HMCN1: variants seen among roughly 807,000 people sequenced by gnomAD.
HMCN1 encodes hemicentin 1.
In HMCN1, 321 loss-of-function variants were observed where a neutral mutation model predicts 625.9. The ratio of observed to expected loss-of-function variants is 0.51; its 90% confidence interval spans 0.47 to 0.56. HMCN1 has a LOEUF of 0.56. Ranked by LOEUF, HMCN1 falls within the 20% of genes least tolerant of loss-of-function variation. The pLI is 0.00. For missense variants in HMCN1, 6,588 were observed against 6,887.3 expected (o/e 0.96, Z 1.54); for synonymous variants, 2,425 against 2,417.6 (o/e 1.00, Z -0.09).
At chr1:186,034,033 A>G (rs573993865) in intron 36 of HMCN1, among the ~76,000 whole-genome samples, 1 of 152,342 alleles carries the variant, frequency 6.6e-6, no homozygotes, top group South Asian at 2.1e-4. Context: ...GTTGTTAATC[A>G]TTTGACCTTA....
chr1:185,751,170 G>A (rs1231918214), intron 1 of HMCN1, among the ~76,000 whole-genome samples: 1 of 151,990 alleles, frequency 6.6e-6, no homozygotes, highest in Non-Finnish European at 1.5e-5. Context: ...CCAACCCTAT[G>A]CATTCTTTAC....
At chr1:186,126,674 G>A (rs1178489898) in intron 82 of HMCN1, among the ~76,000 whole-genome samples, 1 of 152,128 alleles carries the variant, frequency 6.6e-6, no homozygotes, top group African/African-American at 2.4e-5. Flanking sequence ...GTGGAAACAT[G>A]TCCAGTGTAT....
At chr1:186,155,488 A>G (rs140966664) in intron 97 of HMCN1, among the ~76,000 whole-genome samples, 1 of 151,696 alleles carries the variant, frequency 6.6e-6, no homozygotes, top group Non-Finnish European at 1.5e-5. Flanking sequence ...CATCTAATTT[A>G]AAAAAAGATA....
At chr1:185,937,882 A>AAAAAATAAT (rs1667893025) in intron 11 of HMCN1, among the ~76,000 whole-genome samples, 1 of 142,640 alleles carries the variant, frequency 7.0e-6, no homozygotes, top group African/African-American at 2.6e-5. Flanking sequence ...CTCCATCTCA[A>AAAAAATAAT]AATAATAATA....
intron 40 of HMCN1, among the ~76,000 whole-genome samples, chr1:186,043,091 A>G (rs1292060670): frequency 1.3e-5 from 2 of 152,076 alleles, no homozygotes; most frequent in East Asian, 3.9e-4. Flanking sequence ...AGCTCAGACA[A>G]CTTTCCTGGA....
chr1:186,092,040 A>G (rs1352352502), intron 64 of HMCN1, among the ~76,000 whole-genome samples: 1 of 151,898 alleles, frequency 6.6e-6, no homozygotes, highest in African/African-American at 2.4e-5. Flanking sequence ...GATGGTACCT[A>G]AAGATTTTAT....
intron 24 of HMCN1, among the ~76,000 whole-genome samples, chr1:185,995,896 A>T (rs1022662461): frequency 1.3e-5 from 2 of 152,150 alleles, no homozygotes; most frequent in African/African-American, 4.8e-5. Flanking sequence ...TATGGTATTT[A>T]GCACAGTATT....
chr1:185,938,237 G>T (rs1433770090), intron 11 of HMCN1, among the ~76,000 whole-genome samples: 1 of 152,098 alleles, frequency 6.6e-6, no homozygotes, highest in African/African-American at 2.4e-5. Context: ...GGGAGAAAAA[G>T]TTGTCTTGGG....
intron 4 of HMCN1, among the ~76,000 whole-genome samples, chr1:185,892,629 C>T (rs955954424): frequency 3.3e-5 from 5 of 152,074 alleles, no homozygotes; most frequent in Admixed American, 6.5e-5. Flanking sequence ...GCTCGGGGGT[C>T]GGGGGTCAGG....
intron 1 of HMCN1, among the ~76,000 whole-genome samples, chr1:185,821,529 G>A (rs139291713): frequency 6.6e-6 from 1 of 151,868 alleles, no homozygotes; most frequent in Non-Finnish European, 1.5e-5. Context: ...GTAACTCTTG[G>A]AATTAAATCA....
In HMCN1 at chr1:185,734,494, C is replaced by G. The variant is rs1184565924; in HGVS notation, c.-286C>G. On this transcript the variant is annotated 5_prime_UTR_variant, in exon 1 of 107. Transcript: ENST00000271588. The stretch of plus-strand genomic sequence containing the variant: ...GCCCCCGGGGCATGGACCCGACGCG[C>G]CGCCCGCACTCCGCCACAGGCTGTC... 2.6e-6 allele frequency: 1 copy of G among 390,726 alleles called. No homozygotes were observed. The highest frequency in any genetic ancestry group is 4.6e-6 in the Non-Finnish European group (1 of 216,112). 24.2% of individuals were successfully genotyped at this position (390,726 alleles called of 1,614,324 possible). A position where few individuals can be genotyped will look rare whatever the true frequency, so the allele number is the denominator to read the frequency against.
chr1:186,003,901 A>G lies in HMCN1; in HGVS notation c.4475+57A>G, dbSNP rs1653367197. 7.8e-6 allele frequency: 12 copies of G among 1,541,932 alleles called. No homozygotes were observed. In the South Asian group the frequency reaches 1.3e-4, roughly 17 times the overall value. On this transcript the variant is annotated intron_variant, in intron 29 of 106. Coordinates refer to ENST00000271588, the MANE Select transcript of HMCN1 (RefSeq NM_031935.3). Reference sequence around the variant, plus strand: ...TTCAATGATAGGAAAAAGATGTGAAAAATGCATGTGGATTTTCTCCCTCTT... The same window carrying G: ...TTCAATGATAGGAAAAAGATGTGAAGAATGCATGTGGATTTTCTCCCTCTT...
At chr1:186,168,766 C>CT (rs531554305) in intron 100 of HMCN1, among the ~76,000 whole-genome samples, 53 of 148,278 alleles carry the variant, frequency 3.6e-4, no homozygotes, top group African/African-American at 7.2e-4. Flanking sequence ...GAAGGAAGGA[C>CT]TTTTTTTTTT....
chr1:185,740,930 G>C (rs961827946), intron 1 of HMCN1, among the ~76,000 whole-genome samples: 1 of 152,156 alleles, frequency 6.6e-6, no homozygotes, highest in Non-Finnish European at 1.5e-5. Context: ...GGAGGTGGAG[G>C]TTACAGTGAG....
intron 4 of HMCN1, among the ~76,000 whole-genome samples, chr1:185,894,110 G>T (rs540442173): frequency 9.2e-4 from 140 of 151,762 alleles, no homozygotes; most frequent in Non-Finnish European, 1.5e-3. Context: ...ACTCTATCCT[G>T]GGCTACAGAG....
At chr1:185,770,592 C>A (rs1656174114) in intron 1 of HMCN1, among the ~76,000 whole-genome samples, 1 of 151,848 alleles carries the variant, frequency 6.6e-6, no homozygotes, top group South Asian at 2.1e-4. Context: ...GAAACCTGAT[C>A]TTTTTTTTGC....
intron 11 of HMCN1, among the ~76,000 whole-genome samples, chr1:185,949,286 T>C (rs1425529748): frequency 6.6e-6 from 1 of 151,634 alleles, no homozygotes; most frequent in Non-Finnish European, 1.5e-5. Context: ...AGACAGAAGA[T>C]AGTAGGGATG....
chr1:185,799,387 G>A (rs1658631938), intron 1 of HMCN1, among the ~76,000 whole-genome samples: 2 of 152,200 alleles, frequency 1.3e-5, no homozygotes, highest in South Asian at 4.1e-4. Flanking sequence ...TCTGTGGGAT[G>A]CCCAATGGCT....
At chr1:186,061,181 A>C (rs1657669594) in intron 46 of HMCN1, among the ~76,000 whole-genome samples, 1 of 152,072 alleles carries the variant, frequency 6.6e-6, no homozygotes. Flanking sequence ...GAAATACTCG[A>C]GATTGGGTAA....
Sources: allele counts gnomAD v4.1 joint callset (sites outside exome capture counted in the v4.1 genomes callset), GRCh38; gene constraint gnomAD v4.1.1; transcripts MANE v1.5; gene names NCBI Gene and HGNC (gene_info 2026-07-23, HGNC 2026-07-21).